Variants in TNRC18 observed in about 807,000 individuals in gnomAD.
The protein encoded by TNRC18 is trinucleotide repeat-containing gene 18 protein.
A neutral mutation model predicts 226.7 loss-of-function variants in TNRC18; 69 were observed. The observed-to-expected ratio is 0.30, with a 90% CI of 0.25 to 0.37. The LOEUF is 0.37. Among genes scored for constraint, TNRC18 ranks in the 10% least tolerant of loss-of-function variants. The pLI is 1.00. For missense variants in TNRC18, 4,754 were observed against 4,256.6 expected (o/e 1.12, Z -3.25); for synonymous variants, 2,449 against 1,927.6 (o/e 1.27, Z -7.09).
Position 5,359,810 on chromosome 7 carries a change from C to T in TNRC18, c.4662-241G>A, listed in dbSNP as rs115329614. Among the ~76,000 whole-genome samples the T allele has an allele frequency of 4.5e-3, 665 of 147,788 alleles. 3 individuals carry two copies. Among genetic ancestry groups the T allele is most frequent in the African/African-American group, 0.015 (604 of 40,198 alleles). On this transcript the variant is annotated intron_variant, in intron 14 of 29. Coordinates refer to ENST00000430969, the MANE Select transcript of TNRC18 (RefSeq NM_001080495.3). ...GGAAGAAAGCATTTTCTTTCTTGTG[C>T]GCTTTTACGCGTACACTCACACACA...
intron 18 of TNRC18, among the ~76,000 whole-genome samples, chr7:5,334,293 T>C (rs1789856343): frequency 8.3e-6 from 1 of 121,150 alleles, no homozygotes; most frequent in East Asian, 3.2e-4. Context: ...ATCCTATTAA[T>C]TAACTTTTTT....
rs1181853162 is a variant in TNRC18, at chr7:5,394,645, C to T, written c.188-50G>A. 2.7e-6 allele frequency: 4 copies of T among 1,459,550 alleles called. No homozygotes were observed. Among genetic ancestry groups the T allele is most frequent in the Non-Finnish European group, 3.7e-6 (4 of 1,081,208 alleles). 90.4% of individuals were successfully genotyped at this position (1,459,550 alleles called of 1,614,324 possible). A position where few individuals can be genotyped will look rare whatever the true frequency, so the allele number is the denominator to read the frequency against. ...GTCAGGCAGACAACCAGGGAGGCGC[C>T]GCCGCCCCAGCCCACCGCCCCGACC... On this transcript the variant is annotated intron_variant, in intron 2 of 29. Transcript: ENST00000430969. The surrounding 1 kb of genome is among the most constrained non-coding windows in gnomAD (Gnocchi z 4.5).
intron 17 of TNRC18, 120 bp from the exon 18 acceptor site, chr7:5,345,930 G>T (rs1346012004): frequency 7.3e-7 from 1 of 1,365,320 alleles, no homozygotes; most frequent in East Asian, 2.6e-5. Context: ...CCTGAGCAGG[G>T]GGCCGCTGGG....
rs556399194 is a variant in TNRC18 at position 5,324,372 on chromosome 7, G to A, written c.6301-17C>T. Reference sequence around the variant, plus strand: ...GCCGCGGTTCTGGGGACAGAACATGGCCGACAAATGACTTAGGACCTGAAC... The same window carrying A: ...GCCGCGGTTCTGGGGACAGAACATGACCGACAAATGACTTAGGACCTGAAC... On this transcript the variant is annotated splice_polypyrimidine_tract_variant and intron_variant, in intron 20 of 29. Transcript: ENST00000430969. The surrounding 1 kb of genome is among the most constrained non-coding windows in gnomAD (Gnocchi z 4.8). 180 of 1,612,410 alleles carry A rather than the reference G, an allele frequency of 1.1e-4. 1 individual carries two copies. In the South Asian group the frequency reaches 1.1e-3, roughly 10 times the overall value.
intron 17 of TNRC18, among the ~76,000 whole-genome samples, chr7:5,349,536 G>T (rs183075167): frequency 6.6e-6 from 1 of 152,182 alleles, no homozygotes; most frequent in Non-Finnish European, 1.5e-5. Flanking sequence ...TGCCAGACCC[G>T]GTGGGGGCGA....
intron 24 of TNRC18, among the ~76,000 whole-genome samples, chr7:5,317,474 C>G (rs1787966678): frequency 6.6e-6 from 1 of 151,946 alleles, no homozygotes; most frequent in Admixed American, 6.6e-5. Context: ...GCCTGTAATC[C>G]CAGCTACTCC....
chr7:5,382,630 G>A (rs540674701), intron 5 of TNRC18, among the ~76,000 whole-genome samples: 64 of 152,210 alleles, frequency 4.2e-4, no homozygotes, highest in Non-Finnish European at 8.1e-4. Context: ...ACCCCCAGCC[G>A]CCCCCTGTGA....
chr7:5,385,768 G>A (rs1779729046), intron 5 of TNRC18, among the ~76,000 whole-genome samples: 1 of 151,512 alleles, frequency 6.6e-6, no homozygotes, highest in South Asian at 2.1e-4. Context: ...GCGGCCAGGA[G>A]TTTGAGACCA....
chr7:5,383,957 A>T (rs1285016488), intron 5 of TNRC18, among the ~76,000 whole-genome samples: 120 of 78,772 alleles, frequency 1.5e-3, no homozygotes, highest in South Asian at 5.7e-3. Context: ...TACCCGGGTG[A>T]TTTTTTTTTT....
At chr7:5,363,686 T>A (rs905520247) in intron 11 of TNRC18, among the ~76,000 whole-genome samples, 11 of 152,100 alleles carry the variant, frequency 7.2e-5, no homozygotes, top group African/African-American at 2.4e-4. Context: ...GAGTACAGGC[T>A]AGGCACAGCA....
chr7:5,422,250 G>A (rs994931489), intron 1 of TNRC18, among the ~76,000 whole-genome samples: 1 of 152,184 alleles, frequency 6.6e-6, no homozygotes, highest in Non-Finnish European at 1.5e-5. Context: ...GCAGCCCGAG[G>A]ACCTGGCCTG....
rs558099857 is a variant in TNRC18 at position 5,394,259 on chromosome 7, A to G, written c.343+181T>C. On this transcript the variant is annotated intron_variant, in intron 3 of 29. Transcript: ENST00000430969. The surrounding 1 kb of genome is among the most constrained non-coding windows in gnomAD (Gnocchi z 4.5). ...TGAAAGGAGAGGAAACAGCTCATACAAATGCCCTGTGACAGTGACAAGAAG... is the reference window on the plus strand; with the variant it reads ...TGAAAGGAGAGGAAACAGCTCATACGAATGCCCTGTGACAGTGACAAGAAG... Among the ~76,000 whole-genome samples, 1 of 152,202 alleles carries G rather than the reference A, an allele frequency of 6.6e-6. No individual in the cohort carries two copies. Among genetic ancestry groups the G allele is most frequent in the East Asian group, 1.9e-4 (1 of 5,174 alleles).
chr7:5,311,733 G>T (rs1228655260), intron 27 of TNRC18, among the ~76,000 whole-genome samples: 1 of 152,034 alleles, frequency 6.6e-6, no homozygotes, highest in East Asian at 1.9e-4. Context: ...CGGGAAAACT[G>T]CTTGGGCCCA....
Position 5,389,462 on chromosome 7 carries a change from T to TTTTTTTGTTTTTTTTTTGTTTTTTG in TNRC18, c.488-127_488-126insCAAAAAACAAAAAAAAAACAAAAAA, listed in dbSNP as rs997312450. The TTTTTTTGTTTTTTTTTTGTTTTTTG allele has an allele frequency of 4.1e-6, 4 of 970,384 alleles. No individual in the cohort carries two copies. The African/African-American group carries it at 1.3e-4, about 30-fold the overall frequency. The allele number at this position is 970,384 out of a possible 1,614,324, so 60.1% of individuals were successfully genotyped here. ...GCCTCCCCCAGTGTTTTGGTTTTGG[T>TTTTTTTGTTTTTTTTTTGTTTTTTG]TTTTTTTTTCAGAAAGAGTCTCGCT... is the stretch of plus-strand genomic sequence containing the variant. On this transcript the variant is annotated intron_variant, in intron 4 of 29. Transcript: ENST00000430969.
rs781391363 is a variant in TNRC18, at chr7:5,313,130, G to A, written c.7761C>T (p.Gly2587=). Residue 2587 remains glycine, a synonymous_variant, in exon 27 of 30, where the codon GGC becomes GGT. Coordinates refer to ENST00000430969, the MANE Select transcript of TNRC18 (RefSeq NM_001080495.3). ...CGCAGCCCCCGTCCCCGTTCTTGTC[G>A]CCTTCCTCCTCCCCTTCTGTCTCCG... The part of the protein sequence containing the change: ...SGSETEGEEE[G]DKNGDGGCGT... The A allele has an allele frequency of 8.7e-6, 13 of 1,499,090 alleles. No homozygotes were observed. Among genetic ancestry groups the A allele is most frequent in the African/African-American group, 4.2e-5 (3 of 72,036 alleles). 92.9% of individuals were successfully genotyped at this position (1,499,090 alleles called of 1,614,324 possible).
intron 19 of TNRC18, among the ~76,000 whole-genome samples, chr7:5,331,645 G>T (rs1055352306): frequency 1.5e-4 from 23 of 152,206 alleles, no homozygotes; most frequent in Non-Finnish European, 2.9e-4. Context: ...GCACTAGCCG[G>T]GTGCAGTGGC....
At chr7:5,316,504 C>G (rs1422047512) in intron 24 of TNRC18, among the ~76,000 whole-genome samples, 1 of 152,058 alleles carries the variant, frequency 6.6e-6, no homozygotes, top group African/African-American at 2.4e-5. Context: ...GTCTCGAACT[C>G]CCGACCTCAG....
intron 19 of TNRC18, among the ~76,000 whole-genome samples, chr7:5,329,629 G>C (rs1462039974): frequency 7.3e-6 from 1 of 136,330 alleles, no homozygotes; most frequent in African/African-American, 2.7e-5. Context: ...GTTGCAGTGA[G>C]CCGAGTTTGT....
chr7:5,362,084 C>T (rs1201558392), intron 12 of TNRC18, 51 bp from the exon 13 acceptor site: 8 of 1,589,924 alleles, frequency 5.0e-6, no homozygotes, highest in Admixed American at 1.7e-5. Context: ...CACTGCCTAA[C>T]GACGCCCACC....
Sources: allele counts gnomAD v4.1 joint callset (sites outside exome capture counted in the v4.1 genomes callset), GRCh38; gene constraint gnomAD v4.1.1; non-coding constraint Gnocchi (gnomAD v3.1); transcripts MANE v1.5; gene names NCBI Gene and HGNC (gene_info 2026-07-23, HGNC 2026-07-21).